SOX6: variants seen among roughly 807,000 people sequenced by gnomAD.
SOX6 encodes SRY-box transcription factor 6, also known as transcription factor SOX-6.
SOX6 carries 11 observed loss-of-function variants against 97.8 expected under a neutral mutation model. The observed-to-expected ratio is 0.11, with a 90% CI of 0.07 to 0.19. The LOEUF is 0.19. Ranked by LOEUF, SOX6 falls within the 10% of genes least tolerant of loss-of-function variation. The pLI, the probability that SOX6 is intolerant of heterozygous loss-of-function variation, is 1.00. For missense variants in SOX6, 810 were observed against 1,039.5 expected (o/e 0.78, Z 3.04); for synonymous variants, 360 against 371.4 (o/e 0.97, Z 0.35).
At chr11:16,417,135 T>C (rs1351051913) in intron 1 of SOX6, among the ~76,000 whole-genome samples, 2 of 152,118 alleles carry the variant, frequency 1.3e-5, no homozygotes, top group South Asian at 2.1e-4. Context: ...AATCCAAATG[T>C]GCTTTTTTTA....
chr11:16,547,776 G>A (rs1001053960), intron 4 of SOX6, among the ~76,000 whole-genome samples: 3 of 152,038 alleles, frequency 2.0e-5, no homozygotes, highest in Non-Finnish European at 4.4e-5. Context: ...TAGAAGAAAG[G>A]ATTGAAATGT....
intron 3 of SOX6, among the ~76,000 whole-genome samples, chr11:16,690,220 T>C (rs1848002183): frequency 3.9e-5 from 6 of 152,184 alleles, no homozygotes; most frequent in Admixed American, 3.9e-4. Flanking sequence ...CCTTGTCCCA[T>C]GATTTTTTTC....
At chr11:16,189,390 C>T (rs1248047309) in intron 4 of SOX6, among the ~76,000 whole-genome samples, 1 of 151,696 alleles carries the variant, frequency 6.6e-6, no homozygotes. Flanking sequence ...AAAGAAAACG[C>T]TATAGGCAAA....
At chr11:16,559,956 G>T (rs1034491898) in intron 4 of SOX6, among the ~76,000 whole-genome samples, 2 of 151,872 alleles carry the variant, frequency 1.3e-5, no homozygotes, top group Admixed American at 6.6e-5. Flanking sequence ...TGAAATTTTT[G>T]GTTATTTTAT....
chr11:16,485,301 G>A (rs1454056051), intron 4 of SOX6, among the ~76,000 whole-genome samples: 1 of 152,184 alleles, frequency 6.6e-6, no homozygotes, highest in Non-Finnish European at 1.5e-5. Flanking sequence ...CAAAAAAAAT[G>A]AGGGCCAGGT....
chr11:16,338,195 C>T (rs1856523514), intron 2 of SOX6, among the ~76,000 whole-genome samples: 1 of 151,992 alleles, frequency 6.6e-6, no homozygotes, highest in South Asian at 2.1e-4. Flanking sequence ...TTTTTCACAA[C>T]TATTTTTTGC....
chr11:16,541,409 T>A (rs1861406439), intron 4 of SOX6, among the ~76,000 whole-genome samples: 1 of 152,120 alleles, frequency 6.6e-6, no homozygotes, highest in African/African-American at 2.4e-5. Flanking sequence ...GACATAGGCA[T>A]GGGCAAGGAC....
intron 2 of SOX6, among the ~76,000 whole-genome samples, chr11:16,338,054 C>A (rs535615524): frequency 5.9e-5 from 9 of 152,010 alleles, no homozygotes; most frequent in Non-Finnish European, 1.0e-4. Flanking sequence ...AGATAAGAAA[C>A]TTTTAGGGCT....
chr11:16,279,758 T>A (rs1477904239), intron 3 of SOX6, among the ~76,000 whole-genome samples: 1 of 152,124 alleles, frequency 6.6e-6, no homozygotes, highest in African/African-American at 2.4e-5. Flanking sequence ...CTTTCACATT[T>A]TTATTTGATT....
intron 6 of SOX6, among the ~76,000 whole-genome samples, chr11:16,167,252 G>C (rs916066026): frequency 1.3e-5 from 2 of 152,136 alleles, no homozygotes; most frequent in South Asian, 4.2e-4. Context: ...TAGTTGCTTA[G>C]GTCAAAATCC....
At chr11:16,401,412 A>T (rs1439087659) in intron 1 of SOX6, among the ~76,000 whole-genome samples, 1 of 151,508 alleles carries the variant, frequency 6.6e-6, no homozygotes, top group African/African-American at 2.4e-5. Flanking sequence ...AGACCCTACC[A>T]CGACTACCAG....
chr11:16,623,982 T>A (rs1310332292), intron 3 of SOX6, among the ~76,000 whole-genome samples: 1 of 152,178 alleles, frequency 6.6e-6, no homozygotes, highest in Non-Finnish European at 1.5e-5. Context: ...CCCTTCTCAG[T>A]CAACACCTAC....
intron 3 of SOX6, among the ~76,000 whole-genome samples, chr11:16,649,756 A>G (rs190006032): frequency 6.6e-6 from 1 of 152,312 alleles, no homozygotes; most frequent in East Asian, 1.9e-4. Context: ...AACGTGATGA[A>G]TAGAACAGTA....
chr11:16,721,267 A>G (rs1848258969), intron 2 of SOX6, among the ~76,000 whole-genome samples: 2 of 152,288 alleles, frequency 1.3e-5, no homozygotes, highest in South Asian at 4.1e-4. Context: ...TGGATTTGGC[A>G]CTATGGAATG....
chr11:16,616,184 AGCCCGCC>A (rs1195523343), intron 3 of SOX6, among the ~76,000 whole-genome samples: 1 of 152,120 alleles, frequency 6.6e-6, no homozygotes, highest in Non-Finnish European at 1.5e-5. Context: ...TATACATTTT[AGCCCGCC>A]TAGAAAAATT....
intron 4 of SOX6, among the ~76,000 whole-genome samples, chr11:16,560,528 CAT>C (rs79735010): frequency 3.0e-5 from 3 of 99,254 alleles, no homozygotes; most frequent in African/African-American, 7.2e-5. Flanking sequence ...TTTATACGTA[CAT>C]ATATGTTTAT....
At position 16,125,816 on chromosome 11, in the gene SOX6, TA is replaced by T. The variant is rs1194808745; in HGVS notation, c.778-13894del. ...CTTTCACATGTTCTTAAAGAAATCA[TA>T]GGAAGGAAGGAAGGAAGGAAGGAAG... is the stretch of plus-strand genomic sequence containing the variant. On this transcript the variant is annotated intron_variant, in intron 6 of 15. Transcript: ENST00000683767. 4.0e-5 allele frequency among the ~76,000 whole-genome samples: 4 copies of T among 99,658 alleles called. No individual in the cohort carries two copies. In the South Asian group the frequency reaches 1.5e-3, roughly 38 times the overall value. 65.4% of individuals were successfully genotyped at this position (99,658 alleles called of 152,430 possible).
chr11:16,457,623 A>T (rs886294828), intron 1 of SOX6, among the ~76,000 whole-genome samples: 1 of 152,066 alleles, frequency 6.6e-6, no homozygotes, highest in Non-Finnish European at 1.5e-5. Context: ...TAGTGTATTC[A>T]ACTCCAAGGT....
At chr11:16,541,565 C>T (rs180958528) in intron 4 of SOX6, among the ~76,000 whole-genome samples, 2 of 152,122 alleles carry the variant, frequency 1.3e-5, no homozygotes, top group East Asian at 1.9e-4. Flanking sequence ...GCAATCTACC[C>T]ATCTGACAAA....
Sources: gnomAD v4.1 joint callset for allele counts (sites outside exome capture counted in the v4.1 genomes callset) on GRCh38, gnomAD v4.1.1 for gene constraint, MANE v1.5 for transcripts, NCBI Gene and HGNC (gene_info 2026-07-23, HGNC 2026-07-21) for gene names.